The following NTM variants were observed in gnomAD, a reference collection of about 807,000 sequenced individuals.
NTM encodes the protein IgLON family member 2.
A neutral mutation model predicts 42.1 loss-of-function variants in NTM; 13 were observed. That is an observed-to-expected ratio of 0.31 (90% CI 0.20 to 0.49). The LOEUF is 0.49. NTM is among the 20% of genes least tolerant of loss of function. The pLI, the probability that NTM is intolerant of heterozygous loss-of-function variation, is 0.99. For missense variants in NTM, 373 were observed against 452.8 expected (o/e 0.82, Z 1.60); for synonymous variants, 187 against 179.2 (o/e 1.04, Z -0.35).
At chr11:131,468,170 C>T (rs1257153169) in intron 1 of NTM, among the ~76,000 whole-genome samples, 1 of 152,180 alleles carries the variant, frequency 6.6e-6, no homozygotes, top group Non-Finnish European at 1.5e-5. Flanking sequence ...ACTTTGCCTG[C>T]CCCCCTTCCT....
At chr11:132,256,145 T>A (rs2092450895) in intron 4 of NTM, among the ~76,000 whole-genome samples, 1 of 152,140 alleles carries the variant, frequency 6.6e-6, no homozygotes. Flanking sequence ...CCTCATTCAC[T>A]TCTCTCTTGC....
At chr11:131,631,677 T>A (rs1289674005) in intron 1 of NTM, among the ~76,000 whole-genome samples, 3 of 152,254 alleles carry the variant, frequency 2.0e-5, no homozygotes, top group African/African-American at 7.2e-5. Flanking sequence ...TGGTCCTAAT[T>A]TTAAATGTTA....
intron 6 of NTM, among the ~76,000 whole-genome samples, chr11:132,313,450 G>T (rs1240131383): frequency 6.6e-6 from 1 of 152,078 alleles, no homozygotes; most frequent in Non-Finnish European, 1.5e-5. Context: ...TATTCCCTGA[G>T]ATCCTTCATC....
intron 1 of NTM, among the ~76,000 whole-genome samples, chr11:131,484,459 G>C (rs966833169): frequency 2.6e-5 from 4 of 152,206 alleles, no homozygotes; most frequent in African/African-American, 9.7e-5. Context: ...CTCCCAACTT[G>C]AGCTGGAGGA....
At chr11:131,381,290 C>G (rs558433091) in intron 1 of NTM, among the ~76,000 whole-genome samples, 1 of 152,172 alleles carries the variant, frequency 6.6e-6, no homozygotes, top group African/African-American at 2.4e-5. Flanking sequence ...AATCTAGTCT[C>G]TCTTCCACAA....
chr11:132,299,231 C>T (rs1056438694), intron 4 of NTM, among the ~76,000 whole-genome samples: 1 of 152,134 alleles, frequency 6.6e-6, no homozygotes, highest in African/African-American at 2.4e-5. Flanking sequence ...GGAGGCAGAA[C>T]TTGCAGTGAG....
intron 2 of NTM, among the ~76,000 whole-genome samples, chr11:131,993,764 G>T (rs947449203): frequency 2.0e-5 from 3 of 152,096 alleles, no homozygotes; most frequent in African/African-American, 7.2e-5. Context: ...ACTTTGGGAG[G>T]CTGTGGAGGG....
At chr11:131,775,818 C>T (rs1183475695) in intron 1 of NTM, among the ~76,000 whole-genome samples, 2 of 152,310 alleles carry the variant, frequency 1.3e-5, no homozygotes, top group South Asian at 2.1e-4. Context: ...ATGAAGGCTT[C>T]TCTGCCAAAA....
At chr11:132,025,077 T>C (rs1460521125) in intron 2 of NTM, among the ~76,000 whole-genome samples, 3 of 152,148 alleles carry the variant, frequency 2.0e-5, no homozygotes, top group Non-Finnish European at 2.9e-5. Context: ...ACCAGCACCT[T>C]GGAGTCATGG....
chr11:132,330,549 CCTTG>C (rs1344731258), intron 8 of NTM, among the ~76,000 whole-genome samples: 1 of 152,152 alleles, frequency 6.6e-6, no homozygotes, highest in African/African-American at 2.4e-5. Context: ...TGCATGCTGC[CCTTG>C]CTTGCACCAT....
chr11:132,316,252 G>A (rs1311142054), intron 7 of NTM, among the ~76,000 whole-genome samples: 2 of 152,138 alleles, frequency 1.3e-5, no homozygotes, highest in Non-Finnish European at 2.9e-5. Context: ...GGGAGAAGCA[G>A]CAAACAAACA....
At chr11:131,825,863 A>G (rs1436510065) in intron 1 of NTM, among the ~76,000 whole-genome samples, 2 of 152,210 alleles carry the variant, frequency 1.3e-5, no homozygotes, top group Non-Finnish European at 2.9e-5. Context: ...GACTATGAAG[A>G]GTTTATAGTA....
In NTM at chr11:131,783,549, T is replaced by C. The variant is rs529262486; in HGVS notation, c.83-128015T>C. ...GATGATTAAGTGGGGAAAAAGATTCTCTTTTCAATGTATGGTGCTCAAAAA... is the reference window on the plus strand; with the variant it reads ...GATGATTAAGTGGGGAAAAAGATTCCCTTTTCAATGTATGGTGCTCAAAAA... On this transcript the variant is annotated intron_variant, in intron 1 of 8. Coordinates refer to ENST00000683400, the MANE Select transcript of NTM (RefSeq NM_001352005.2). Among the ~76,000 whole-genome samples the C allele has an allele frequency of 2.1e-3, 315 of 152,272 alleles. 1 individual carries two copies. The highest frequency in any genetic ancestry group is 3.7e-3 in the Non-Finnish European group (250 of 68,002).
intron 1 of NTM, among the ~76,000 whole-genome samples, chr11:131,675,343 TATG>T (rs1361618596): frequency 6.6e-6 from 1 of 152,228 alleles, no homozygotes; most frequent in African/African-American, 2.4e-5. Flanking sequence ...CTGGCTAGGA[TATG>T]ATTTCACAAA....
chr11:131,531,238 T>C (rs2051228945), intron 1 of NTM, among the ~76,000 whole-genome samples: 1 of 152,168 alleles, frequency 6.6e-6, no homozygotes, highest in African/African-American at 2.4e-5. Context: ...TGAGCTCAAG[T>C]GATCCTCCTA....
At chr11:131,749,471 C>A (rs1158798900) in intron 1 of NTM, among the ~76,000 whole-genome samples, 1 of 152,176 alleles carries the variant, frequency 6.6e-6, no homozygotes, top group Admixed American at 6.5e-5. Context: ...ACAGGCAAAT[C>A]ATTATTTTTC....
intron 4 of NTM, among the ~76,000 whole-genome samples, chr11:132,244,168 A>T (rs2139264921): frequency 6.6e-6 from 1 of 152,266 alleles, no homozygotes; most frequent in South Asian, 2.1e-4. Flanking sequence ...GCCGCTGATC[A>T]GTGCTCAGTG....
intron 1 of NTM, among the ~76,000 whole-genome samples, chr11:131,873,606 A>G (rs1456544110): frequency 1.7e-5 from 2 of 115,344 alleles, no homozygotes; most frequent in East Asian, 2.6e-4. Context: ...ATACATATAT[A>G]TATACCGTAT....
intron 2 of NTM, among the ~76,000 whole-genome samples, chr11:132,076,904 T>C (rs2058440188): frequency 6.6e-6 from 1 of 152,260 alleles, no homozygotes; most frequent in South Asian, 2.1e-4. Context: ...TTATTGTGTC[T>C]CATGTTTTCT....
Sources: gnomAD v4.1 joint callset for allele counts (sites outside exome capture counted in the v4.1 genomes callset) on GRCh38, gnomAD v4.1.1 for gene constraint, MANE v1.5 for transcripts, NCBI Gene and HGNC (gene_info 2026-07-23, HGNC 2026-07-21) for gene names.